NEDD9: variants seen among roughly 807,000 people sequenced by gnomAD.
NEDD9 encodes enhancer of filamentation 1.
Under a neutral mutation model 76.6 loss-of-function variants are expected in NEDD9, and 26 were observed. The ratio of observed to expected loss-of-function variants is 0.34; its 90% CI spans 0.25 to 0.47. The LOEUF (loss-of-function observed/expected upper bound fraction) is 0.47. NEDD9 is among the 20% of genes least tolerant of loss of function. The pLI is 1.00. For synonymous variants in NEDD9, 392 were observed against 414.2 expected, an observed-to-expected ratio of 0.95 and a Z score of 0.65; for missense variants, 937 against 1,058.5, an observed-to-expected ratio of 0.89 and a Z score of 1.59.
At position 11,185,296 on chromosome 6, in the gene NEDD9, C is replaced by T. The variant is rs749691187; in HGVS notation, c.2371G>A (p.Val791Ile). ...AGGGCGGCCATCTTGGTTGCCATGA[C>T]TATGGTCTTGAGCTGCTCGCAGAGC... ...NQLCEQLKTI[V>I]MATKMAALHY... Residue 791 changes from valine (V) to isoleucine (I), a missense_variant, in exon 7 of 7, where the codon GTC becomes ATC. By Grantham distance (29) the Val-to-Ile change is conservative. Transcript: ENST00000379446. 1.9e-6 allele frequency: 3 copies of T among 1,614,152 alleles called. No individual in the cohort carries two copies. In the Admixed American group the frequency reaches 5.0e-5, roughly 27 times the overall value.
chr6:11,277,602 C>T (rs1027623108), intron 3 of NEDD9, among the ~76,000 whole-genome samples: 9 of 152,152 alleles, frequency 5.9e-5, no homozygotes, highest in Non-Finnish European at 1.0e-4. Flanking sequence ...GGATGAGGCA[C>T]GTTGCCCTCA....
intron 1 of NEDD9, among the ~76,000 whole-genome samples, chr6:11,371,375 C>G (rs548278622): frequency 6.6e-6 from 1 of 152,180 alleles, no homozygotes; most frequent in African/African-American, 2.4e-5. Context: ...CTACCACTAT[C>G]GTATCACGCA....
At chr6:11,263,465 A>G (rs1760149894) in intron 3 of NEDD9, among the ~76,000 whole-genome samples, 1 of 152,138 alleles carries the variant, frequency 6.6e-6, no homozygotes, top group Non-Finnish European at 1.5e-5. Flanking sequence ...GTGGAAAAAA[A>G]CCCTCCCAGG....
intron 1 of NEDD9, among the ~76,000 whole-genome samples, chr6:11,355,742 A>G (rs1762553367): frequency 6.6e-6 from 1 of 151,396 alleles, no homozygotes; most frequent in South Asian, 2.1e-4. Context: ...TTTTTTTGAG[A>G]CAGAGTCTCG....
intron 3 of NEDD9, among the ~76,000 whole-genome samples, chr6:11,245,630 C>A (rs73721509): frequency 8.9e-6 from 1 of 112,706 alleles, no homozygotes; most frequent in Non-Finnish European, 1.8e-5. Context: ...GATAAACTTG[C>A]GTTGGGGGAA....
chr6:11,366,004 G>A (rs1762757163), intron 1 of NEDD9, among the ~76,000 whole-genome samples: 1 of 151,636 alleles, frequency 6.6e-6, no homozygotes. Flanking sequence ...AAAAGAAAGA[G>A]GCTGGGCGTG....
rs759212968 is a variant in NEDD9, at chr6:11,190,903, G to C, written c.966C>G (p.Gly322=). 1 of 1,614,058 alleles carries C rather than the reference G, an allele frequency of 6.2e-7. No homozygotes were observed. The highest frequency in any genetic ancestry group is 1.7e-5 in the Admixed American group (1 of 60,006). ...SQNDAYDVPR[G]VQFLEPPAET... ...CTGCTGGTGGCTCAAGAAACTGAAC[G>C]CCTCGGGGGACATCATATGCGTCGT... The change falls in exon 5 of 7, where the codon GGC becomes GGG. Residue 322 remains glycine, a synonymous_variant. Coordinates refer to ENST00000379446, the MANE Select transcript of NEDD9 (RefSeq NM_006403.4). This position sits in a 1 kb window ranked among gnomAD's most constrained non-coding sequence, Gnocchi z 5.8.
chr6:11,214,157 G>A (rs751894769), intron 1 of NEDD9: 1 of 516,352 alleles, frequency 1.9e-6, no homozygotes. Context: ...GGTGAAAAGA[G>A]TAAAAGAAAA....
At chr6:11,285,831 A>G (rs1760635751) in intron 3 of NEDD9, among the ~76,000 whole-genome samples, 1 of 152,218 alleles carries the variant, frequency 6.6e-6, no homozygotes, top group African/African-American at 2.4e-5. Flanking sequence ...ACTTCAGTTC[A>G]TATCTTTCAT....
At chr6:11,216,967 T>C (rs2113765072) in intron 1 of NEDD9, among the ~76,000 whole-genome samples, 1 of 152,360 alleles carries the variant, frequency 6.6e-6, no homozygotes, top group East Asian at 1.9e-4. Context: ...AGTATCTGCC[T>C]ACAAACAGCA....
chr6:11,258,637 A>T (rs1760051060), intron 3 of NEDD9: 1 of 152,054 alleles, frequency 6.6e-6, no homozygotes, highest in Non-Finnish European at 1.5e-5. Context: ...ATAACACATC[A>T]TTACTGACTT....
intron 3 of NEDD9, among the ~76,000 whole-genome samples, chr6:11,272,849 C>T (rs958839925): frequency 3.3e-5 from 5 of 152,190 alleles, no homozygotes; most frequent in Admixed American, 1.3e-4. Context: ...GCAAACGGAG[C>T]GTTGTTTACC....
intron 3 of NEDD9, among the ~76,000 whole-genome samples, chr6:11,247,489 G>A (rs1202631418): frequency 2.6e-5 from 4 of 152,114 alleles, no homozygotes; most frequent in African/African-American, 7.2e-5. Flanking sequence ...TGTACTCTTC[G>A]GTGTTTTATA....
chr6:11,380,237 T>G (rs1763038033), intron 1 of NEDD9, among the ~76,000 whole-genome samples: 1 of 152,234 alleles, frequency 6.6e-6, no homozygotes, highest in Admixed American at 6.5e-5. Context: ...AGGTGGCCGG[T>G]GGTCTTAGCT....
chr6:11,221,068 G>A (rs970287717), intron 1 of NEDD9, among the ~76,000 whole-genome samples: 5 of 152,200 alleles, frequency 3.3e-5, no homozygotes, highest in East Asian at 1.9e-4. Flanking sequence ...TGGGTTTACC[G>A]AAGCAACTCC....
rs184679653 is a variant in NEDD9 at position 11,360,486 on chromosome 6, T to C, written c.-214+21653A>G. Among the ~76,000 whole-genome samples, 483 of 152,214 alleles carry C rather than the reference T, an allele frequency of 3.2e-3. 1 individual carries two copies. The highest frequency in any genetic ancestry group is 0.011 in the African/African-American group (447 of 41,532). On this transcript the variant is annotated intron_variant, in intron 1 of 3. Coordinates refer to the NEDD9 transcript ENST00000397378. Reference sequence around the variant, plus strand: ...TCCCAATGTTGCAGGTGGGGCCTGGTGGGAGGTGATTGTATCATGGGGGCA... The same window carrying C: ...TCCCAATGTTGCAGGTGGGGCCTGGCGGGAGGTGATTGTATCATGGGGGCA...
At chr6:11,207,505 G>T (rs1758648039) in intron 2 of NEDD9, 1 of 152,202 alleles carries the variant, frequency 6.6e-6, no homozygotes, top group Non-Finnish European at 1.5e-5. Context: ...ATCATTTCCT[G>T]CCAACATTTG....
At chr6:11,378,783 A>T (rs1337711059) in intron 1 of NEDD9, among the ~76,000 whole-genome samples, 1 of 152,218 alleles carries the variant, frequency 6.6e-6, no homozygotes, top group East Asian at 1.9e-4. Context: ...AGTTAAGTGA[A>T]TTACAGACCT....
At chr6:11,227,710 C>T (rs1192633209) in intron 1 of NEDD9, among the ~76,000 whole-genome samples, 1 of 152,110 alleles carries the variant, frequency 6.6e-6, no homozygotes, top group Non-Finnish European at 1.5e-5. Flanking sequence ...ACTAAACAGG[C>T]CCAGTAGGCA....
Sources: allele counts gnomAD v4.1 joint callset (sites outside exome capture counted in the v4.1 genomes callset), GRCh38; gene constraint gnomAD v4.1.1; non-coding constraint Gnocchi (gnomAD v3.1); transcripts MANE v1.5; gene names NCBI Gene and HGNC (gene_info 2026-07-23, HGNC 2026-07-21).